Variants in MT1G observed in about 807,000 individuals in gnomAD.
The protein encoded by MT1G is metallothionein-1G.
MT1G carries 8 observed loss-of-function variants against 9.1 expected under a neutral mutation model. The ratio of observed to expected loss-of-function variants is 0.87; its 90% confidence interval spans 0.51 to 1.58. MT1G has a LOEUF of 1.58. Among genes scored for constraint, MT1G ranks in the 40% most tolerant of loss-of-function variants. The probability of loss-of-function intolerance (pLI) is 0.00; values close to 1 mark genes in which losing one functional copy is unlikely to be tolerated. For synonymous variants in MT1G, 31 were observed against 28.4 expected (o/e 1.09, Z -0.29); for missense variants, 79 against 77.3 (o/e 1.02, Z -0.08).
Position 56,666,842 on chromosome 16 carries a change from C to T in MT1G, c.*37G>A, listed in dbSNP as rs1960783578. On this transcript the variant is annotated 3_prime_UTR_variant, in exon 3 of 3. Coordinates refer to ENST00000379811, the MANE Select transcript of MT1G (RefSeq NM_001301267.2). ...ACAAAAAATCCTGGATTTTACGGGT[C>T]ACTCTATTTGTACTTGGGAGCAGGG... 6.2e-7 allele frequency: 1 copy of T among 1,601,422 alleles called. No homozygotes were observed. Among genetic ancestry groups the T allele is most frequent in the Non-Finnish European group, 8.5e-7 (1 of 1,175,368 alleles).
rs1960811648 is a variant in MT1G at position 56,667,988 on chromosome 16, G to A, written c.6C>T (p.Asp2=). Residue 2 remains aspartate, a synonymous_variant, in exon 1 of 3, where the codon GAC becomes GAT. Transcript: ENST00000379811. Reference sequence around the variant, plus strand: ...TACCAGCGGCACAGGAGCAGTTGGGGTCCATTGCAACCCGAGGCGAGACTA... The same window carrying A: ...TACCAGCGGCACAGGAGCAGTTGGGATCCATTGCAACCCGAGGCGAGACTA... M[D]PNCSCAAAGV... The A allele has an allele frequency of 1.9e-6, 3 of 1,614,044 alleles. No homozygotes were observed. The highest frequency in any genetic ancestry group is 2.5e-6 in the Non-Finnish European group (3 of 1,179,906).
In MT1G at chr16:56,667,359, G is replaced by A. The variant is rs747201847; in HGVS notation, c.50C>T (p.Ala17Val). The A allele has an allele frequency of 1.4e-5, 22 of 1,614,154 alleles. No individual in the cohort carries two copies. The South Asian group carries it at 2.0e-4, about 14-fold the overall frequency. ...GCACTCTTTGCACTTGCAGGAGCTG[G>A]CGCAGGTGCAGGAGACACCTGCTAG... is the stretch of plus-strand genomic sequence containing the variant. Reference protein sequence around the residue: ...CAAAGVSCTCASSCKCKECKC... With the variant: ...CAAAGVSCTCVSSCKCKECKC... The change falls in exon 2 of 3, where the codon GCC (alanine) becomes GTC (valine). Residue 17 changes from alanine (A) to valine (V), a missense_variant. Physicochemically the swap from Ala to Val is moderately conservative, Grantham distance 64. Transcript: ENST00000379811.
At position 56,668,065 on chromosome 16, in the gene MT1G, T is replaced by A. The variant is rs78780944; in HGVS notation, c.-72A>T. ...CAGTGGGTGCACGTGGAAGGCGGAG[T>A]GGAGCCCAACAGCCAGCGGCTGTTT... is the stretch of plus-strand genomic sequence containing the variant. On this transcript the variant is annotated 5_prime_UTR_variant, in exon 1 of 3. Transcript: ENST00000379811. 0.043 allele frequency: 65,898 copies of A among 1,543,112 alleles called. 1,893 individuals carry two copies. The highest frequency in any genetic ancestry group is 0.1 in the Admixed American group (6,250 of 59,702).
At chr16:56,667,459 T>C (rs560269271) in intron 1 of MT1G, 79 bp from the exon 2 acceptor site, 1 of 1,587,578 alleles carries the variant, frequency 6.3e-7, no homozygotes, top group Non-Finnish European at 8.6e-7. Flanking sequence ...CACTTCCCCC[T>C]TCTCTGTGCA....
Position 56,668,031 on chromosome 16 carries a change from G to A in MT1G, c.-38C>T. ...CGAGACTAGAGTTCCCAAGCGAGAA[G>A]GGAAGAGGCAGTGGGTGCACGTGGA... On this transcript the variant is annotated 5_prime_UTR_variant, in exon 1 of 3. Coordinates refer to ENST00000379811, the MANE Select transcript of MT1G (RefSeq NM_001301267.2). 1 of 1,611,784 alleles carries A rather than the reference G, an allele frequency of 6.2e-7. No homozygotes were observed. Among genetic ancestry groups the A allele is most frequent in the Non-Finnish European group, 8.5e-7 (1 of 1,178,138 alleles).
At chr16:56,667,002 C>G (rs769247972) in intron 2 of MT1G, 32 bp from the exon 3 acceptor site, 2 of 1,612,226 alleles carry the variant, frequency 1.2e-6, no homozygotes, top group South Asian at 1.1e-5. Context: ...GAGGTCAGAG[C>G]AGACTCGATC....
Position 56,668,033 on chromosome 16 carries a change from G to C in MT1G, c.-40C>G. On this transcript the variant is annotated 5_prime_UTR_variant, in exon 1 of 3. Coordinates refer to ENST00000379811, the MANE Select transcript of MT1G (RefSeq NM_001301267.2). ...AGACTAGAGTTCCCAAGCGAGAAGG[G>C]AAGAGGCAGTGGGTGCACGTGGAAG... 1 of 1,611,286 alleles carries C rather than the reference G, an allele frequency of 6.2e-7. No homozygotes were observed. Among genetic ancestry groups the C allele is most frequent in the Non-Finnish European group, 8.5e-7 (1 of 1,177,692 alleles).
rs1960781980 is a variant in MT1G at position 56,666,777 on chromosome 16, A to G, written c.*102T>C. On this transcript the variant is annotated 3_prime_UTR_variant, in exon 3 of 3. Transcript: ENST00000379811. ...ATTATTATTCACATATTTCACAGAAAAAAAGGAATGTAGCAAAGGGGTCAA... is the reference window on the plus strand; with the variant it reads ...ATTATTATTCACATATTTCACAGAAGAAAAGGAATGTAGCAAAGGGGTCAA... 9.4e-6 allele frequency: 14 copies of G among 1,490,068 alleles called. No individual in the cohort carries two copies. The South Asian group carries it at 1.9e-4, about 20-fold the overall frequency. 92.3% of individuals were successfully genotyped at this position (1,490,068 alleles called of 1,614,324 possible). A position where few individuals can be genotyped will look rare whatever the true frequency, so the allele number is the denominator to read the frequency against.
chr16:56,667,227 C>T (rs780874809), intron 2 of MT1G, 85 bp downstream of exon 2: 4 of 1,611,386 alleles, frequency 2.5e-6, no homozygotes, highest in South Asian at 1.1e-5. Context: ...GCCGGTTCCC[C>T]AGAAGCACGC....
Position 56,666,952 on chromosome 16 carries a change from G to C in MT1G, c.116C>G (p.Pro39Arg), listed in dbSNP as rs1437843318. The stretch of plus-strand genomic sequence containing the variant: ...CTGGGCACACTTGGCACAGCCCACA[G>C]GGCAGCAGGAGCAGCAGCCTGGGGA... ...SCKKSCCSCC[P>R]VGCAKCAQGC... Residue 39 changes from proline (P) to arginine (R), a missense_variant, in exon 3 of 3, where the codon CCT becomes CGT. Coordinates refer to ENST00000379811, the MANE Select transcript of MT1G (RefSeq NM_001301267.2). 1 of 1,614,056 alleles carries C rather than the reference G, an allele frequency of 6.2e-7. No individual in the cohort carries two copies. The highest frequency in any genetic ancestry group is 1.1e-5 in the South Asian group (1 of 91,092).
In MT1G at chr16:56,667,151, C is replaced by T. The variant is rs773357803; in HGVS notation, c.97+161G>A. On this transcript the variant is annotated intron_variant, in intron 2 of 2. Transcript: ENST00000379811. The stretch of plus-strand genomic sequence containing the variant: ...TCTTCCTTTGAGAAAGCTGCCCCAC[C>T]TCACATAAGCCCTGGAAAGTGCAGA... 3 of 1,542,062 alleles carry T rather than the reference C, an allele frequency of 1.9e-6. No individual in the cohort carries two copies. The South Asian group carries it at 3.4e-5, about 18-fold the overall frequency.
intron 2 of MT1G, 105 bp from the exon 3 acceptor site, chr16:56,667,075 T>A: frequency 6.3e-7 from 1 of 1,587,846 alleles, no homozygotes; most frequent in South Asian, 1.1e-5. Context: ...GACCCTTAGT[T>A]CATGATGGCA....
Position 56,666,784 on chromosome 16 carries a change from A to G in MT1G, c.*95T>C. 1 of 1,503,322 alleles carries G rather than the reference A, an allele frequency of 6.7e-7. No individual in the cohort carries two copies. The highest frequency in any genetic ancestry group is 9.0e-7 in the Non-Finnish European group (1 of 1,116,350). 93.1% of individuals were successfully genotyped at this position (1,503,322 alleles called of 1,614,324 possible). ...TTCACATATTTCACAGAAAAAAAGG[A>G]ATGTAGCAAAGGGGTCAAGATTGTA... On this transcript the variant is annotated 3_prime_UTR_variant, in exon 3 of 3. Coordinates refer to ENST00000379811, the MANE Select transcript of MT1G (RefSeq NM_001301267.2).
At chr16:56,667,433 T>C in intron 1 of MT1G, 53 bp from the exon 2 acceptor site, 2 of 1,611,768 alleles carry the variant, frequency 1.2e-6, no homozygotes, top group Non-Finnish European at 1.7e-6. Flanking sequence ...GGTACAGCAG[T>C]GGGTCAATGA....
At chr16:56,667,927 A>G (rs777581493) in intron 1 of MT1G, 39 bp downstream of exon 1, 2 of 1,611,718 alleles carry the variant, frequency 1.2e-6, no homozygotes, top group Admixed American at 3.3e-5. Flanking sequence ...GTGTCTGGGA[A>G]TTTGGCATCC....
chr16:56,666,796 G>A lies in MT1G; in HGVS notation c.*83C>T. 1.9e-6 allele frequency: 3 copies of A among 1,539,300 alleles called. No homozygotes were observed. The highest frequency in any genetic ancestry group is 2.3e-5 in the East Asian group (1 of 43,964). ...ACAGAAAAAAAGGAATGTAGCAAAG[G>A]GGTCAAGATTGTAGCAAAAAACAAA... On this transcript the variant is annotated 3_prime_UTR_variant, in exon 3 of 3. Coordinates refer to ENST00000379811, the MANE Select transcript of MT1G (RefSeq NM_001301267.2).
rs1394489718 is a variant in MT1G, at chr16:56,666,841, T to C, written c.*38A>G. ...AACAAAAAATCCTGGATTTTACGGG[T>C]CACTCTATTTGTACTTGGGAGCAGG... On this transcript the variant is annotated 3_prime_UTR_variant, in exon 3 of 3. Coordinates refer to ENST00000379811, the MANE Select transcript of MT1G (RefSeq NM_001301267.2). 4 of 1,601,042 alleles carry C rather than the reference T, an allele frequency of 2.5e-6. No individual in the cohort carries two copies. The highest frequency in any genetic ancestry group is 3.4e-6 in the Non-Finnish European group (4 of 1,175,150).
Position 56,667,305 on chromosome 16 carries a change from C to T in MT1G, c.97+7G>A. On this transcript the variant is annotated splice_region_variant and intron_variant, in intron 2 of 2. Coordinates refer to ENST00000379811, the MANE Select transcript of MT1G (RefSeq NM_001301267.2). Reference sequence around the variant, plus strand: ...CCCCAGATTCCTGGAGATGGCCCCGCACTCACTCTTCTTGCAGGAGGTGCA... The same window carrying T: ...CCCCAGATTCCTGGAGATGGCCCCGTACTCACTCTTCTTGCAGGAGGTGCA... The T allele has an allele frequency of 1.9e-6, 3 of 1,614,276 alleles. No homozygotes were observed. Among genetic ancestry groups the T allele is most frequent in the South Asian group, 2.2e-5 (2 of 91,090 alleles).
chr16:56,666,875 G>C lies in MT1G; in HGVS notation c.*4C>G. 1 of 1,614,172 alleles carries C rather than the reference G, an allele frequency of 6.2e-7. No individual in the cohort carries two copies. Among genetic ancestry groups the C allele is most frequent in the Non-Finnish European group, 8.5e-7 (1 of 1,180,022 alleles). On this transcript the variant is annotated 3_prime_UTR_variant, in exon 3 of 3. Coordinates refer to ENST00000379811, the MANE Select transcript of MT1G (RefSeq NM_001301267.2). Reference sequence around the variant, plus strand: ...TTGTACTTGGGAGCAGGGCTGTCCCGACATCAGGCGCAGCAGCTGCACTTC... The same window carrying C: ...TTGTACTTGGGAGCAGGGCTGTCCCCACATCAGGCGCAGCAGCTGCACTTC...
Sources: gnomAD v4.1 joint callset for allele counts on GRCh38, gnomAD v4.1.1 for gene constraint, MANE v1.5 for transcripts, NCBI Gene and HGNC (gene_info 2026-07-23, HGNC 2026-07-21) for gene names.